The following LYST variants were observed in gnomAD, a reference collection of about 807,000 sequenced individuals.
LYST encodes lysosomal trafficking regulator.
A neutral mutation model predicts 413.6 loss-of-function variants in LYST; 192 were observed. The observed-to-expected ratio is 0.46, with a 90% CI of 0.41 to 0.52. The LOEUF (loss-of-function observed/expected upper bound fraction) is 0.52. LYST is among the 20% of genes least tolerant of loss of function. LYST has a pLI of 0.00. For missense variants in LYST, 3,815 were observed against 4,499.9 expected, an observed-to-expected ratio of 0.85 and a Z score of 4.35; for synonymous variants, 1,525 against 1,567.3, an observed-to-expected ratio of 0.97 and a Z score of 0.64.
At chr1:235,697,818 G>A (rs866605600) in intron 45 of LYST, among the ~76,000 whole-genome samples, 13 of 152,156 alleles carry the variant, frequency 8.5e-5, no homozygotes, top group Non-Finnish European at 1.0e-4. Flanking sequence ...AACATATTGC[G>A]AGGATTAGAG....
intron 17 of LYST, among the ~76,000 whole-genome samples, chr1:235,776,727 T>C (rs1196632648): frequency 6.6e-6 from 1 of 152,044 alleles, no homozygotes; most frequent in African/African-American, 2.4e-5. Context: ...CCCTTAGTTT[T>C]TTCCTATGCA....
chr1:235,876,203 C>G (rs1681129660), intron 1 of LYST, among the ~76,000 whole-genome samples: 1 of 152,092 alleles, frequency 6.6e-6, no homozygotes, highest in South Asian at 2.1e-4. Flanking sequence ...TCCTGGGTGA[C>G]AGAGTGGGAC....
At chr1:235,832,558 T>C (rs1330459718) in intron 2 of LYST, among the ~76,000 whole-genome samples, 1 of 152,162 alleles carries the variant, frequency 6.6e-6, no homozygotes, top group African/African-American at 2.4e-5. Context: ...TTGCTTTTAT[T>C]TAATTTAGAT....
At chr1:235,868,355 G>T (rs1366308884), upstream of LYST, among the ~76,000 whole-genome samples, 2 of 152,052 alleles carry the variant, frequency 1.3e-5, no homozygotes, top group Non-Finnish European at 2.9e-5. Context: ...AGGTGCATGG[G>T]CCTGAACTGA....
rs1309876327 is a variant in LYST at position 235,664,966 on chromosome 1, A to G, written c.11039-345T>C. On this transcript the variant is annotated intron_variant, in intron 50 of 52. Coordinates refer to ENST00000389793, the MANE Select transcript of LYST (RefSeq NM_000081.4). This position sits in a 1 kb window ranked among gnomAD's most constrained non-coding sequence, Gnocchi z 4.5. Reference sequence around the variant, plus strand: ...ACGCCACCACATCCGGCTAATTTTTATATTTTTAGTAGAAATGGGTTTTTG... The same window carrying G: ...ACGCCACCACATCCGGCTAATTTTTGTATTTTTAGTAGAAATGGGTTTTTG... 2.0e-5 allele frequency among the ~76,000 whole-genome samples: 3 copies of G among 151,948 alleles called. No homozygotes were observed. Among genetic ancestry groups the G allele is most frequent in the Non-Finnish European group, 2.9e-5 (2 of 68,000 alleles).
chr1:235,726,629 T>C (rs953997905), intron 38 of LYST, among the ~76,000 whole-genome samples: 4 of 152,292 alleles, frequency 2.6e-5, no homozygotes, highest in African/African-American at 9.6e-5. Flanking sequence ...TTCAATCTAT[T>C]GAGAAGCAAG....
chr1:235,752,130 T>C lies in LYST; in HGVS notation c.7502A>G (p.Gln2501Arg). Residue 2501 changes from glutamine (Q) to arginine (R), a missense_variant, in exon 27 of 53, where the codon CAG becomes CGG. By Grantham distance (43) the Gln-to-Arg change is conservative. Transcript: ENST00000389793. Reference protein sequence around the residue: ...SEYKLLACDIQQLFIAVTIHA... With the variant: ...SEYKLLACDIRQLFIAVTIHA... ...AATTGTAACTGCTATGAAAAGTTGC[T>C]GTATATCACAAGCAAGCAATTTATA... is the stretch of plus-strand genomic sequence containing the variant. 6.2e-7 allele frequency: 1 copy of C among 1,612,134 alleles called. No individual in the cohort carries two copies. The highest frequency in any genetic ancestry group is 8.5e-7 in the Non-Finnish European group (1 of 1,178,612).
rs1361755726 is a variant in LYST at position 235,712,200 on chromosome 1, A to G, written c.9785-3T>C. On this transcript the variant is annotated splice_region_variant and splice_polypyrimidine_tract_variant and intron_variant, in intron 42 of 52. Coordinates refer to ENST00000389793, the MANE Select transcript of LYST (RefSeq NM_000081.4). The stretch of plus-strand genomic sequence containing the variant: ...GTCTGGAATGTCAAAACTTTGATCT[A>G]TAAAAAAATACAAATAATACGATTA... The G allele has an allele frequency of 4.5e-6, 7 of 1,568,460 alleles. No homozygotes were observed. The highest frequency in any genetic ancestry group is 6.1e-6 in the Non-Finnish European group (7 of 1,149,430).
chr1:235,830,503 T>C lies in LYST; in HGVS notation c.-7-79A>G, dbSNP rs149047210. 1.4e-3 allele frequency: 1,589 copies of C among 1,153,304 alleles called. 14 individuals are homozygous for C. The African/African-American group carries it at 0.018, about 13-fold the overall frequency. 71.4% of individuals were successfully genotyped at this position (1,153,304 alleles called of 1,614,324 possible). On this transcript the variant is annotated intron_variant, in intron 2 of 52. Transcript: ENST00000389793. ...CTTTTAAAACTATGTGTTTTTGTTGTTTGTTTCTAACTGAAGATTGGCTTA... is the reference window on the plus strand; with the variant it reads ...CTTTTAAAACTATGTGTTTTTGTTGCTTGTTTCTAACTGAAGATTGGCTTA...
chr1:235,784,226 C>G (rs934089283), intron 14 of LYST, among the ~76,000 whole-genome samples: 2 of 152,140 alleles, frequency 1.3e-5, no homozygotes, highest in African/African-American at 4.8e-5. Context: ...ACTAGAGAAC[C>G]AAGTTTAAGT....
intron 40 of LYST, among the ~76,000 whole-genome samples, chr1:235,720,431 G>A (rs1663261891): frequency 1.3e-5 from 2 of 152,090 alleles, no homozygotes; most frequent in South Asian, 2.1e-4. Flanking sequence ...GAACAAAGAA[G>A]TGACATAACA....
Position 235,664,548 on chromosome 1 carries a change from G to T in LYST, c.11112C>A (p.Ile3704=), listed in dbSNP as rs139687949. ...DLVGHVHCRE[I]ICSVAFSNQP... ...GGTTGGAGAAAGCCACGGAACAGAT[G>T]ATCTCCCTGCAGTGGACATGTCCAA... The change falls in exon 51 of 53, where the codon ATC becomes ATA. Residue 3704 remains isoleucine (I), a synonymous_variant. Transcript: ENST00000389793. The surrounding 1 kb of genome is among the most constrained non-coding windows in gnomAD (Gnocchi z 4.5). 5.6e-6 allele frequency: 9 copies of T among 1,613,952 alleles called. No homozygotes were observed. The highest frequency in any genetic ancestry group is 6.8e-6 in the Non-Finnish European group (8 of 1,179,958).
intron 16 of LYST, among the ~76,000 whole-genome samples, chr1:235,777,761 C>G (rs557615424): frequency 6.6e-6 from 1 of 152,086 alleles, no homozygotes; most frequent in Non-Finnish European, 1.5e-5. Context: ...CTAGATCTTT[C>G]TACTGGAATA....
intron 50 of LYST, among the ~76,000 whole-genome samples, chr1:235,667,875 G>A (rs972000931): frequency 3.3e-5 from 5 of 151,914 alleles, no homozygotes; most frequent in African/African-American, 1.2e-4. Flanking sequence ...TGTTAGCCAG[G>A]ATGGTTTTGA....
chr1:235,855,163 G>T (rs1260074471), intron 1 of LYST, among the ~76,000 whole-genome samples: 3 of 151,928 alleles, frequency 2.0e-5, no homozygotes, highest in African/African-American at 7.3e-5. Context: ...GTACTGTATT[G>T]TTTCTTTTAA....
At chr1:235,804,989 A>T (rs1242517135) in intron 6 of LYST, among the ~76,000 whole-genome samples, 1 of 152,212 alleles carries the variant, frequency 6.6e-6, no homozygotes, top group East Asian at 1.9e-4. Flanking sequence ...GTGAATTTCA[A>T]TTGTGGAAAT....
At chr1:235,819,553 A>T (rs1166876202) in intron 3 of LYST, among the ~76,000 whole-genome samples, 1 of 152,208 alleles carries the variant, frequency 6.6e-6, no homozygotes, top group Non-Finnish European at 1.5e-5. Context: ...GCCATATTAG[A>T]CAATATATGC....
intron 45 of LYST, 59 bp downstream of exon 45, chr1:235,702,688 T>C: frequency 7.3e-7 from 1 of 1,372,984 alleles, no homozygotes; most frequent in Non-Finnish European, 1.0e-6. Flanking sequence ...GGAGAGTGCC[T>C]GGCATCACAA....
chr1:235,841,329 G>A (rs1677178127), intron 1 of LYST, among the ~76,000 whole-genome samples: 1 of 151,986 alleles, frequency 6.6e-6, no homozygotes, highest in South Asian at 2.1e-4. Context: ...TTTTTTTCAA[G>A]TATTTGTATT....
Sources: allele counts gnomAD v4.1 joint callset (sites outside exome capture counted in the v4.1 genomes callset), GRCh38; gene constraint gnomAD v4.1.1; non-coding constraint Gnocchi (gnomAD v3.1); transcripts MANE v1.5; gene names NCBI Gene and HGNC (gene_info 2026-07-23, HGNC 2026-07-21).